Variants in LRP1B observed in about 807,000 individuals in gnomAD.
The protein encoded by LRP1B is low-density lipoprotein receptor-related protein 1B.
A neutral mutation model predicts 556.6 loss-of-function variants in LRP1B; 217 were observed. That is an observed-to-expected ratio of 0.39 (90% CI 0.35 to 0.44). The LOEUF is 0.44. Among genes scored for constraint, LRP1B ranks in the 20% least tolerant of loss-of-function variants. The pLI, the probability that LRP1B is intolerant of heterozygous loss-of-function variation, is 1.00. For synonymous variants in LRP1B, 2,047 were observed against 1,865.8 expected, an observed-to-expected ratio of 1.10 and a Z score of -2.50; for missense variants, 5,053 against 5,620.8, an observed-to-expected ratio of 0.90 and a Z score of 3.23.
intron 3 of LRP1B, among the ~76,000 whole-genome samples, chr2:141,474,162 G>C (rs1459263192): frequency 6.9e-6 from 1 of 144,862 alleles, no homozygotes; most frequent in Non-Finnish European, 1.5e-5. Context: ...CATAGTAGTA[G>C]CTGGAATAGG....
chr2:141,398,041 C>T (rs1326758019), intron 3 of LRP1B, among the ~76,000 whole-genome samples: 3 of 152,040 alleles, frequency 2.0e-5, no homozygotes, highest in Non-Finnish European at 4.4e-5. Context: ...TACTCTTCAT[C>T]GTATCACCTT....
At chr2:140,940,240 G>A (rs567366440) in intron 20 of LRP1B, among the ~76,000 whole-genome samples, 2 of 152,102 alleles carry the variant, frequency 1.3e-5, no homozygotes, top group South Asian at 4.2e-4. Flanking sequence ...TGCGGAAATA[G>A]CTATCTAAAG....
At chr2:141,210,071 A>G (rs1202867902) in intron 6 of LRP1B, among the ~76,000 whole-genome samples, 3 of 150,414 alleles carry the variant, frequency 2.0e-5, no homozygotes, top group Non-Finnish European at 4.4e-5. Flanking sequence ...TACAGCCTGA[A>G]AAAAAAAAAG....
chr2:141,222,972 A>C (rs544888264), intron 6 of LRP1B, among the ~76,000 whole-genome samples: 1 of 152,272 alleles, frequency 6.6e-6, no homozygotes, highest in Admixed American at 6.5e-5. Flanking sequence ...CTTGAAAACC[A>C]GCACAAGACA....
At chr2:141,348,451 A>T (rs917808178) in intron 3 of LRP1B, among the ~76,000 whole-genome samples, 4 of 151,994 alleles carry the variant, frequency 2.6e-5, no homozygotes, top group Non-Finnish European at 5.9e-5. Flanking sequence ...AAATATTAAT[A>T]GGTATTAATC....
At chr2:140,786,822 G>A (rs1689921882) in intron 32 of LRP1B, among the ~76,000 whole-genome samples, 2 of 152,144 alleles carry the variant, frequency 1.3e-5, no homozygotes, top group Admixed American at 1.3e-4. Flanking sequence ...AGAATGGCAG[G>A]TAATTTAATT....
chr2:140,936,275 G>A (rs1695201294), intron 20 of LRP1B, among the ~76,000 whole-genome samples: 2 of 149,012 alleles, frequency 1.3e-5, no homozygotes, highest in Admixed American at 1.3e-4. Flanking sequence ...GGGAGGTGGA[G>A]GTTGCAGTGA....
At chr2:142,077,390 G>A (rs1705542828) in intron 1 of LRP1B, among the ~76,000 whole-genome samples, 1 of 152,068 alleles carries the variant, frequency 6.6e-6, no homozygotes, top group African/African-American at 2.4e-5. Context: ...TTATATCCCT[G>A]TAATCTAGCA....
At chr2:141,966,522 A>G (rs778688134) in intron 1 of LRP1B, among the ~76,000 whole-genome samples, 4 of 151,844 alleles carry the variant, frequency 2.6e-5, no homozygotes, top group Non-Finnish European at 2.9e-5. Flanking sequence ...TGCAGCATCT[A>G]ATAGACAATG....
At chr2:140,880,357 TG>T (rs965446732) in intron 25 of LRP1B, among the ~76,000 whole-genome samples, 10 of 152,102 alleles carry the variant, frequency 6.6e-5, no homozygotes, top group African/African-American at 2.2e-4. Flanking sequence ...ACGGGATTCA[TG>T]GTCTCTTTCA....
intron 86 of LRP1B, among the ~76,000 whole-genome samples, chr2:140,267,181 G>T (rs1468390818): frequency 2.6e-5 from 4 of 151,998 alleles, no homozygotes; most frequent in Non-Finnish European, 5.9e-5. Context: ...AGTTTTAGCT[G>T]CTATTAATTA....
At chr2:141,681,204 AT>A (rs539718359) in intron 2 of LRP1B, among the ~76,000 whole-genome samples, 52 of 152,128 alleles carry the variant, frequency 3.4e-4, no homozygotes, top group African/African-American at 1.3e-3. Flanking sequence ...AGGTGGGAGG[AT>A]TTTTTTGTGC....
chr2:141,016,872 T>C (rs934364960), intron 12 of LRP1B, among the ~76,000 whole-genome samples: 5 of 152,108 alleles, frequency 3.3e-5, no homozygotes, highest in Non-Finnish European at 7.4e-5. Context: ...CTCCCCCATT[T>C]TGTAGACCCT....
At chr2:140,321,666 TTTATCTAA>T (rs67428295) in intron 82 of LRP1B, among the ~76,000 whole-genome samples, 10,507 of 151,934 alleles carry the variant, frequency 0.069, 391 homozygotes, top group Middle Eastern at 0.13. Context: ...AAAATATTGT[TTTATCTAA>T]TAGAAGAGTT....
At chr2:141,327,182 T>C (rs1687459831) in intron 3 of LRP1B, among the ~76,000 whole-genome samples, 1 of 152,154 alleles carries the variant, frequency 6.6e-6, no homozygotes, top group Admixed American at 6.5e-5. Context: ...GAGAGCAGTG[T>C]TAAAGAGCAA....
intron 3 of LRP1B, among the ~76,000 whole-genome samples, chr2:141,294,992 A>C (rs1009524615): frequency 3.3e-5 from 5 of 152,082 alleles, no homozygotes; most frequent in Non-Finnish European, 7.4e-5. Flanking sequence ...CTATTGCTTT[A>C]ATCATTTTAC....
chr2:141,259,489 C>T (rs1235733383), intron 3 of LRP1B, among the ~76,000 whole-genome samples: 1 of 152,176 alleles, frequency 6.6e-6, no homozygotes, highest in African/African-American at 2.4e-5. Context: ...CACTCCTTGA[C>T]CTGATGCTTA....
chr2:141,022,424 C>T (rs1186929793), intron 11 of LRP1B, among the ~76,000 whole-genome samples: 1 of 151,858 alleles, frequency 6.6e-6, no homozygotes, highest in East Asian at 1.9e-4. Flanking sequence ...TTCTCTCTTG[C>T]AGAACACAGC....
intron 7 of LRP1B, among the ~76,000 whole-genome samples, chr2:141,166,881 ATGTTT>A (rs72188039): frequency 0.041 from 3,789 of 92,086 alleles, 159 homozygotes; most frequent in African/African-American, 0.13. Context: ...TTTTAGAAAA[ATGTTT>A]TGTTTTTCTG....
Sources: allele counts gnomAD v4.1 joint callset (sites outside exome capture counted in the v4.1 genomes callset), GRCh38; gene constraint gnomAD v4.1.1; transcripts MANE v1.5; gene names NCBI Gene and HGNC (gene_info 2026-07-23, HGNC 2026-07-21).